MYBBP1A: variants seen among roughly 807,000 people sequenced by gnomAD.
MYBBP1A encodes MYB binding protein 1a, also known as myb-binding protein 1A.
In MYBBP1A, 147 loss-of-function variants were observed where a neutral mutation model predicts 136.3. The ratio of observed to expected loss-of-function variants is 1.08; its 90% CI spans 0.94 to 1.24. MYBBP1A has a LOEUF of 1.24. Ranked by LOEUF, MYBBP1A falls within the 50% of genes most tolerant of loss-of-function variation. The pLI is 0.00. For synonymous variants in MYBBP1A, 947 were observed against 735.8 expected (o/e 1.29, Z -4.65); for missense variants, 2,060 against 1,727.4 (o/e 1.19, Z -3.41).
At chr17:4,547,779 C>T (rs916886079) in intron 13 of MYBBP1A, 179 bp downstream of exon 13, 1 of 543,662 alleles carries the variant, frequency 1.8e-6, no homozygotes, top group Non-Finnish European at 3.2e-6. Context: ...CCAGCTGGTG[C>T]CGCTAAGTGG....
At chr17:4,549,516 C>T (rs1907317877) in intron 9 of MYBBP1A, 74 bp from the exon 10 acceptor site, 3 of 1,351,592 alleles carry the variant, frequency 2.2e-6, no homozygotes, top group Admixed American at 3.8e-5. Context: ...GTGGCTCACA[C>T]CTGTAATCCC....
chr17:4,554,827 G>A (rs1369008626), intron 2 of MYBBP1A, 34 bp downstream of exon 2: 10 of 1,602,280 alleles, frequency 6.2e-6, no homozygotes, highest in Non-Finnish European at 8.5e-6. Context: ...TTTTGACCTG[G>A]ATGGCTGGGA....
Position 4,541,801 on chromosome 17 carries a change from G to A in MYBBP1A, c.3178C>T (p.Leu1060=), listed in dbSNP as rs763352542. ...PEWKQLMGQV[L]AKVTENLRVL... ...GCTGTTACCTCGGTGACCTTTGCTAGGACCTGGCCCATCAGCTGCTTCCAC... is the reference window on the plus strand; with the variant it reads ...GCTGTTACCTCGGTGACCTTTGCTAAGACCTGGCCCATCAGCTGCTTCCAC... Residue 1060 remains leucine, a synonymous_variant, in exon 23 of 26, where the codon CTA becomes TTA. Transcript: ENST00000254718. 25 of 1,614,014 alleles carry A rather than the reference G, an allele frequency of 1.5e-5. No individual in the cohort carries two copies. In the East Asian group the frequency reaches 4.7e-4, roughly 30 times the overall value.
rs1365759237 is a variant in MYBBP1A, at chr17:4,552,837, C to CTT, written c.562-213_562-212dup. On this transcript the variant is annotated intron_variant, in intron 5 of 25. Transcript: ENST00000254718. The surrounding 1 kb of genome is among the most constrained non-coding windows in gnomAD (Gnocchi z 4.7). Reference sequence around the variant, plus strand: ...CCCTGGAGGTACCTGCCCCCCACCCCTTATTTTTTTTTTTTAAGACAGAGT... The same window carrying CTT: ...CCCTGGAGGTACCTGCCCCCCACCCCTTTTATTTTTTTTTTTTAAGACAGAGT... Among the ~76,000 whole-genome samples the CTT allele has an allele frequency of 2.3e-5, 1 of 43,576 alleles. No homozygotes were observed. Among genetic ancestry groups the CTT allele is most frequent in the African/African-American group, 5.0e-5 (1 of 20,164 alleles). 28.6% of individuals were successfully genotyped at this position (43,576 alleles called of 152,430 possible).
intron 23 of MYBBP1A, 83 bp downstream of exon 23, chr17:4,541,701 C>A: frequency 6.8e-7 from 1 of 1,468,496 alleles, no homozygotes; most frequent in Non-Finnish European, 9.5e-7. Flanking sequence ...ACTCAGGCTC[C>A]AATCCTCACT....
In MYBBP1A at chr17:4,541,417, C is replaced by T. The variant is rs60601783; in HGVS notation, c.3297+46G>A. 4.0e-3 allele frequency: 6,173 copies of T among 1,555,758 alleles called. 181 individuals carry two copies. In the African/African-American group the frequency reaches 0.066, roughly 17 times the overall value. ...CTGCTGGCCGGGAGGCCCCAAGGCC[C>T]CCAAGAGGAACCCGAACACGACCGC... On this transcript the variant is annotated intron_variant, in intron 24 of 25. Transcript: ENST00000254718.
Position 4,554,757 on chromosome 17 carries a change from T to C in MYBBP1A, c.294+104A>G. 3.5e-6 allele frequency: 4 copies of C among 1,130,040 alleles called. No individual in the cohort carries two copies. The East Asian group carries it at 7.7e-5, about 22-fold the overall frequency. 70.0% of individuals were successfully genotyped at this position (1,130,040 alleles called of 1,614,324 possible). On this transcript the variant is annotated intron_variant, in intron 2 of 25. Coordinates refer to ENST00000254718, the MANE Select transcript of MYBBP1A (RefSeq NM_014520.4). Reference sequence around the variant, plus strand: ...TCTGCTCTGCCACTCCCGACCTCTCTCTCGGGCTGCCCCTCCGCCACAGCT... The same window carrying C: ...TCTGCTCTGCCACTCCCGACCTCTCCCTCGGGCTGCCCCTCCGCCACAGCT...
chr17:4,539,404 C>T lies in MYBBP1A; in HGVS notation c.*11G>A, dbSNP rs373970065. 1.5e-5 allele frequency: 24 copies of T among 1,598,398 alleles called. No individual in the cohort carries two copies. Among genetic ancestry groups the T allele is most frequent in the Non-Finnish European group, 1.8e-5 (21 of 1,169,680 alleles). On this transcript the variant is annotated 3_prime_UTR_variant, in exon 26 of 26. Coordinates refer to ENST00000254718, the MANE Select transcript of MYBBP1A (RefSeq NM_014520.4). The stretch of plus-strand genomic sequence containing the variant: ...ATGGAGGCAGGGGCTGAGGGGGGCC[C>T]GTACCTGTGCTCAGGGCTTCCCTGC...
At chr17:4,551,357 G>A (rs1907486311) in intron 8 of MYBBP1A, among the ~76,000 whole-genome samples, 1 of 152,244 alleles carries the variant, frequency 6.6e-6, no homozygotes, top group South Asian at 2.1e-4. Flanking sequence ...TGAACAGCCC[G>A]CTGGCTATCC....
In MYBBP1A at chr17:4,551,910, G is replaced by A. The variant is rs776806163; in HGVS notation, c.993C>T (p.Arg331=). 1.2e-6 allele frequency: 2 copies of A among 1,613,372 alleles called. No individual in the cohort carries two copies. The highest frequency in any genetic ancestry group is 3.3e-5 in the Admixed American group (2 of 59,994). Residue 331 remains arginine, a synonymous_variant, in exon 8 of 26, where the codon CGC becomes CGT. Coordinates refer to ENST00000254718, the MANE Select transcript of MYBBP1A (RefSeq NM_014520.4). ...LHLVMQGDVI[R]HYGEHVCTAK... ...CAGTGCACACGTGCTCCCCGTAATG[G>A]CGGATCACGTCTCCCTGCATCACCA...
rs1907666891 is a variant in MYBBP1A at position 4,552,967 on chromosome 17, G to A, written c.562-341C>T. On this transcript the variant is annotated intron_variant, in intron 5 of 25. Coordinates refer to ENST00000254718, the MANE Select transcript of MYBBP1A (RefSeq NM_014520.4). This position sits in a 1 kb window ranked among gnomAD's most constrained non-coding sequence, Gnocchi z 4.7. ...TCCTGCCTCAGGTGGGATTAAAGGT[G>A]TGCGCCATCACACCCAGCTAATTTT... is the stretch of plus-strand genomic sequence containing the variant. Among the ~76,000 whole-genome samples, 1 of 151,974 alleles carries A rather than the reference G, an allele frequency of 6.6e-6. No homozygotes were observed. The highest frequency in any genetic ancestry group is 6.6e-5 in the Admixed American group (1 of 15,266).
intron 3 of MYBBP1A, 26 bp from the exon 4 acceptor site, chr17:4,554,119 A>G (rs1026488123): frequency 1.9e-6 from 3 of 1,613,904 alleles, no homozygotes; most frequent in Non-Finnish European, 2.5e-6. Context: ...AGGCACAGGC[A>G]TGAGGGGCCC....
rs1491023358 is a variant in MYBBP1A, at chr17:4,554,186, C to CA, written c.378+8dup. ...CTGGGGCTGCTGACCTCCCTGGCCC[C>CA]ACTCTCACCTTCTTCACCTGATGCA... On this transcript the variant is annotated intron_variant, in intron 3 of 25. Coordinates refer to ENST00000254718, the MANE Select transcript of MYBBP1A (RefSeq NM_014520.4). 1 of 1,614,012 alleles carries CA rather than the reference C, an allele frequency of 6.2e-7. No individual in the cohort carries two copies. The highest frequency in any genetic ancestry group is 8.5e-7 in the Non-Finnish European group (1 of 1,179,966).
Position 4,544,606 on chromosome 17 carries a change from T to C in MYBBP1A, c.2522A>G (p.Glu841Gly). 1 of 1,586,014 alleles carries C rather than the reference T, an allele frequency of 6.3e-7. No homozygotes were observed. The highest frequency in any genetic ancestry group is 8.6e-7 in the Non-Finnish European group (1 of 1,166,788). ...CAGCAGCTCCAGGACCAGGGCATTC[T>C]CGGGCTGCTTGGTCACTAGCACCTC... is the stretch of plus-strand genomic sequence containing the variant. ...LVEVLVTKQP[E>G]NALVLELLEP... The change falls in exon 19 of 26, where the codon GAG becomes GGG. Residue 841 changes from glutamate to glycine, a missense_variant. By Grantham distance (98) the Glu-to-Gly change is moderately conservative (BLOSUM62 -2). Transcript: ENST00000254718.
intron 13 of MYBBP1A, among the ~76,000 whole-genome samples, chr17:4,546,721 TGTGC>T (rs1289253923): frequency 6.6e-6 from 1 of 152,228 alleles, no homozygotes; most frequent in African/African-American, 2.4e-5. Context: ...GGTGTGCGCA[TGTGC>T]GTGTGCAGGA....
At position 4,541,727 on chromosome 17, in the gene MYBBP1A, G is replaced by A. The variant is rs567796773; in HGVS notation, c.3195+57C>T. ...AATCCTCACTTCTTTCCCAGAGATC[G>A]GTCTCCCGGAGAACTGATTCTGAGG... On this transcript the variant is annotated intron_variant, in intron 23 of 25. Coordinates refer to ENST00000254718, the MANE Select transcript of MYBBP1A (RefSeq NM_014520.4). 1.4e-4 allele frequency: 216 copies of A among 1,518,224 alleles called. No homozygotes were observed. The East Asian group carries it at 3.4e-3, about 24-fold the overall frequency. The allele number at this position is 1,518,224 out of a possible 1,614,324, so 94.0% of individuals were successfully genotyped here. A position where few individuals can be genotyped will look rare whatever the true frequency, so the allele number is the denominator to read the frequency against.
Position 4,541,797 on chromosome 17 carries a change from G to C in MYBBP1A, c.3182C>G (p.Ala1061Gly), listed in dbSNP as rs139279805. 339 of 1,613,902 alleles carry C rather than the reference G, an allele frequency of 2.1e-4. 1 individual carries two copies. The highest frequency in any genetic ancestry group is 1.2e-4 in the Admixed American group (7 of 60,014). The change falls in exon 23 of 26, where the codon GCA becomes GGA. Residue 1061 changes from alanine to glycine, a missense_variant. By Grantham distance (60) the Ala-to-Gly change is moderately conservative. Transcript: ENST00000254718. Reference protein sequence around the residue: ...EWKQLMGQVLAKVTENLRVLG... With the variant: ...EWKQLMGQVLGKVTENLRVLG... ...CCCGGCTGTTACCTCGGTGACCTTT[G>C]CTAGGACCTGGCCCATCAGCTGCTT...
intron 22 of MYBBP1A, 168 bp downstream of exon 22, chr17:4,542,296 G>C (rs538170827): frequency 6.5e-6 from 5 of 766,302 alleles, no homozygotes; most frequent in Admixed American, 5.7e-5. Flanking sequence ...GCCAGGGCAC[G>C]GCCACCCCCT....
Position 4,539,848 on chromosome 17 carries a change from TTGCG to T in MYBBP1A, c.3550_3553del (p.Arg1184SerfsTer77). ...CTCCGCTGGCGTGCCATCCTCTGAC[TTGCG>T]TTTCTTGCGCTTCTTCGTCTCTGGC... On this transcript the variant is annotated frameshift_variant, in exon 26 of 26. Transcript: ENST00000254718. LOFTEE classifies it low-confidence loss of function (END_TRUNC). The T allele has an allele frequency of 6.2e-7, 1 of 1,608,228 alleles. No individual in the cohort carries two copies. Among genetic ancestry groups the T allele is most frequent in the Non-Finnish European group, 8.5e-7 (1 of 1,179,908 alleles).
Sources: gnomAD v4.1 joint callset for allele counts (sites outside exome capture counted in the v4.1 genomes callset) on GRCh38, gnomAD v4.1.1 for gene constraint, Gnocchi (gnomAD v3.1) non-coding constraint, MANE v1.5 for transcripts, NCBI Gene and HGNC (gene_info 2026-07-23, HGNC 2026-07-21) for gene names.